PTGFR: variants seen among roughly 807,000 people sequenced by gnomAD.
PTGFR encodes the protein prostaglandin F receptor.
In PTGFR, 15 loss-of-function variants were observed where a neutral mutation model predicts 26.2. The observed-to-expected ratio is 0.57, with a 90% CI of 0.38 to 0.88. PTGFR has a LOEUF of 0.88. Ranked by LOEUF, PTGFR falls within the 40% of genes least tolerant of loss-of-function variation. The pLI is 0.00. For missense variants in PTGFR, 369 were observed against 427.2 expected (o/e 0.86, Z 1.20); for synonymous variants, 165 against 151.1 (o/e 1.09, Z -0.68).
chr1:78,507,876 T>G (rs1649864092), intron 2 of PTGFR, among the ~76,000 whole-genome samples: 1 of 152,182 alleles, frequency 6.6e-6, no homozygotes. Flanking sequence ...TGGTCAATAG[T>G]TTTGCTGGTT....
At chr1:78,528,959 G>A (rs563696183) in intron 2 of PTGFR, among the ~76,000 whole-genome samples, 15 of 152,022 alleles carry the variant, frequency 9.9e-5, no homozygotes, top group Non-Finnish European at 1.3e-4. Flanking sequence ...GAGGCACAGC[G>A]AACCAATGCA....
At chr1:78,497,711 C>CAGT (rs1570269712) in intron 2 of PTGFR, among the ~76,000 whole-genome samples, 1 of 152,070 alleles carries the variant, frequency 6.6e-6, no homozygotes, top group African/African-American at 2.4e-5. Flanking sequence ...AATGATTGAC[C>CAGT]AGTATATGGA....
intron 2 of PTGFR, among the ~76,000 whole-genome samples, chr1:78,524,906 A>ATTTTTTTTTTTTTTTTTTTTTTTTTTTT (rs35641651): frequency 1.4e-5 from 1 of 70,482 alleles, no homozygotes; most frequent in Non-Finnish European, 2.7e-5. Context: ...CAAATGCAAG[A>ATTTTTTTTTTTTTTTTTTTTTTTTTTTT]TTTTTTTTTT....
In PTGFR at chr1:78,521,817, T is replaced by A. The variant is rs75918155; in HGVS notation, c.799-14589T>A. 1.3e-4 allele frequency among the ~76,000 whole-genome samples: 20 copies of A among 152,250 alleles called. No homozygotes were observed. In the East Asian group the frequency reaches 1.9e-3, roughly 15 times the overall value. ...TAAGTGTAATGGCTGTTGTAGGTTTTTGATCTACTATATATAAATTTCACT... is the reference window on the plus strand; with the variant it reads ...TAAGTGTAATGGCTGTTGTAGGTTTATGATCTACTATATATAAATTTCACT... On this transcript the variant is annotated intron_variant, in intron 2 of 2. Coordinates refer to ENST00000370757, the MANE Select transcript of PTGFR (RefSeq NM_000959.4).
At chr1:78,524,655 A>G (rs78885709) in intron 2 of PTGFR, among the ~76,000 whole-genome samples, 3,925 of 152,098 alleles carry the variant, frequency 0.026, 89 homozygotes, top group African/African-American at 0.048. Flanking sequence ...TCACAGTGTA[A>G]TTTTAGATGT....
At chr1:78,530,576 T>C (rs1303277396) in intron 2 of PTGFR, among the ~76,000 whole-genome samples, 1 of 152,108 alleles carries the variant, frequency 6.6e-6, no homozygotes, top group African/African-American at 2.4e-5. Flanking sequence ...GACTCCACCA[T>C]GTTTTTGTTT....
intron 2 of PTGFR, among the ~76,000 whole-genome samples, chr1:78,507,388 G>T (rs1424167346): frequency 6.6e-6 from 1 of 152,146 alleles, no homozygotes; most frequent in African/African-American, 2.4e-5. Flanking sequence ...GTTGAGTGAA[G>T]CTTGGTTCCA....
rs1650669421 is a variant in PTGFR at position 78,536,821 on chromosome 1, A to G, written c.*134A>G. The G allele has an allele frequency of 9.6e-7, 1 of 1,036,396 alleles. No homozygotes were observed. The highest frequency in any genetic ancestry group is 1.3e-6 in the Non-Finnish European group (1 of 747,690). The allele number at this position is 1,036,396 out of a possible 1,614,324, so 64.2% of individuals were successfully genotyped here. Reference sequence around the variant, plus strand: ...CATGTAGTTTGAAGATACTATTGTCAGATTCAGGTTTTGAAATTTGTCAAA... The same window carrying G: ...CATGTAGTTTGAAGATACTATTGTCGGATTCAGGTTTTGAAATTTGTCAAA... On this transcript the variant is annotated 3_prime_UTR_variant, in exon 3 of 3. Coordinates refer to ENST00000370757, the MANE Select transcript of PTGFR (RefSeq NM_000959.4).
intron 2 of PTGFR, among the ~76,000 whole-genome samples, chr1:78,533,785 A>T (rs1454695528): frequency 1.3e-5 from 2 of 152,188 alleles, no homozygotes; most frequent in Non-Finnish European, 2.9e-5. Context: ...AACCTTAGCA[A>T]ACATGGGCTC....
At chr1:78,496,656 G>C (rs1649560008) in intron 2 of PTGFR, among the ~76,000 whole-genome samples, 5 of 152,162 alleles carry the variant, frequency 3.3e-5, no homozygotes. Flanking sequence ...CTTGTCAATA[G>C]TGGCATAATT....
chr1:78,516,214 C>T (rs1427416333), intron 2 of PTGFR, among the ~76,000 whole-genome samples: 4 of 152,036 alleles, frequency 2.6e-5, no homozygotes, highest in Non-Finnish European at 4.4e-5. Context: ...TTTTGTAGAA[C>T]GTAGATTTCC....
intron 2 of PTGFR, among the ~76,000 whole-genome samples, chr1:78,521,898 A>G (rs546233827): frequency 2.6e-4 from 39 of 152,214 alleles, no homozygotes; most frequent in African/African-American, 9.1e-4. Flanking sequence ...TTGCTGCATA[A>G]CAGAGTCCTA....
Position 78,536,704 on chromosome 1 carries a change from A to G in PTGFR, c.*17A>G, listed in dbSNP as rs1165315819. ...AGCACCTAGCTTAATAGGACAGTAAATCTGTGTGGGGCTAGAACAAAATTA... is the reference window on the plus strand; with the variant it reads ...AGCACCTAGCTTAATAGGACAGTAAGTCTGTGTGGGGCTAGAACAAAATTA... On this transcript the variant is annotated 3_prime_UTR_variant, in exon 3 of 3. Coordinates refer to ENST00000370757, the MANE Select transcript of PTGFR (RefSeq NM_000959.4). The G allele has an allele frequency of 1.9e-6, 3 of 1,602,968 alleles. No individual in the cohort carries two copies. The highest frequency in any genetic ancestry group is 2.6e-6 in the Non-Finnish European group (3 of 1,175,146).
intron 2 of PTGFR, among the ~76,000 whole-genome samples, chr1:78,522,548 A>G (rs1473769361): frequency 6.6e-6 from 1 of 152,048 alleles, no homozygotes; most frequent in African/African-American, 2.4e-5. Flanking sequence ...ATACACATGT[A>G]TTAGAGAGGC....
intron 2 of PTGFR, among the ~76,000 whole-genome samples, chr1:78,529,710 A>G (rs1001473928): frequency 6.6e-6 from 1 of 152,196 alleles, no homozygotes; most frequent in African/African-American, 2.4e-5. Context: ...AACAAAGTCC[A>G]AAAGGACATC....
intron 2 of PTGFR, among the ~76,000 whole-genome samples, chr1:78,534,638 C>T (rs1170604358): frequency 6.6e-6 from 1 of 151,848 alleles, no homozygotes. Context: ...CTAGAGTTAA[C>T]CAACGAAAAC....
intron 2 of PTGFR, among the ~76,000 whole-genome samples, chr1:78,528,716 G>A (rs1330166048): frequency 3.3e-5 from 5 of 152,034 alleles, no homozygotes; most frequent in African/African-American, 7.2e-5. Context: ...GATAGATGCC[G>A]AGGCACAGGG....
At chr1:78,519,894 C>T (rs930259488) in intron 2 of PTGFR, among the ~76,000 whole-genome samples, 1 of 151,986 alleles carries the variant, frequency 6.6e-6, no homozygotes, top group African/African-American at 2.4e-5. Context: ...TCTAAAATTG[C>T]AACTCTTCTC....
intron 2 of PTGFR, among the ~76,000 whole-genome samples, chr1:78,510,163 C>T (rs1364188915): frequency 1.3e-5 from 2 of 152,064 alleles, no homozygotes; most frequent in Non-Finnish European, 2.9e-5. Flanking sequence ...TCTGCTATCC[C>T]TCTCCTCTAG....
Sources: allele counts gnomAD v4.1 joint callset (sites outside exome capture counted in the v4.1 genomes callset), GRCh38; gene constraint gnomAD v4.1.1; transcripts MANE v1.5; gene names NCBI Gene and HGNC (gene_info 2026-07-23, HGNC 2026-07-21).